The following CMSS1 variants were observed in gnomAD, a reference collection of about 807,000 sequenced individuals.
CMSS1 encodes protein CMSS1.
Under a neutral mutation model 43.5 loss-of-function variants are expected in CMSS1, and 33 were observed. The ratio of observed to expected loss-of-function variants is 0.76; its 90% CI spans 0.57 to 1.01. CMSS1 has a LOEUF of 1.01. Among genes scored for constraint, CMSS1 ranks in the 50% least tolerant of loss-of-function variants. The probability of loss-of-function intolerance (pLI) is 0.00; values close to 1 mark genes in which losing one functional copy is unlikely to be tolerated. For missense variants in CMSS1, 313 were observed against 326.4 expected (o/e 0.96, Z 0.32); for synonymous variants, 115 against 117.2 (o/e 0.98, Z 0.12).
In CMSS1 at chr3:99,853,212, CA is replaced by C. The variant is rs1337438493; in HGVS notation, c.64+35172del. Among the ~76,000 whole-genome samples the C allele has an allele frequency of 3.9e-5, 6 of 152,308 alleles. No homozygotes were observed. In the South Asian group the frequency reaches 8.3e-4, roughly 21 times the overall value. On this transcript the variant is annotated intron_variant, in intron 1 of 9. Coordinates refer to ENST00000421999, the MANE Select transcript of CMSS1 (RefSeq NM_032359.4). The stretch of plus-strand genomic sequence containing the variant: ...GTGAAATAGTTAAAAAAAACTTTGG[CA>C]AAGTGCTTCTTTCTCCTGCCTTAGC...
chr3:99,893,484 A>G (rs963738067), intron 1 of CMSS1, among the ~76,000 whole-genome samples: 2 of 152,092 alleles, frequency 1.3e-5, no homozygotes, highest in Admixed American at 6.5e-5. Context: ...ACATTTTTTA[A>G]TAGGCATTTA....
At chr3:100,110,475 C>T (rs1169457605) in intron 1 of CMSS1, among the ~76,000 whole-genome samples, 1 of 152,072 alleles carries the variant, frequency 6.6e-6, no homozygotes, top group Non-Finnish European at 1.5e-5. Flanking sequence ...CATGAAGATA[C>T]CTGTCATCCA....
At chr3:100,117,848 T>TAAAC (rs1410455445) in intron 1 of CMSS1, among the ~76,000 whole-genome samples, 2 of 91,508 alleles carry the variant, frequency 2.2e-5, no homozygotes, top group Non-Finnish European at 4.3e-5. Flanking sequence ...TATATATATA[T>TAAAC]ATATACATAT....
At chr3:99,850,841 C>G (rs1178534411) in intron 1 of CMSS1, 1 of 1,614,064 alleles carries the variant, frequency 6.2e-7, no homozygotes, top group Non-Finnish European at 8.5e-7. Flanking sequence ...TGAACTCTGG[C>G]TTCAGCAAGG....
At chr3:99,998,726 G>A (rs1433114067) in intron 1 of CMSS1, among the ~76,000 whole-genome samples, 1 of 152,058 alleles carries the variant, frequency 6.6e-6, no homozygotes, top group Non-Finnish European at 1.5e-5. Context: ...CCATGCCCCA[G>A]CCAATTTTTT....
intron 1 of CMSS1, among the ~76,000 whole-genome samples, chr3:100,020,047 A>C (rs958605837): frequency 2.6e-5 from 4 of 152,178 alleles, no homozygotes; most frequent in Admixed American, 2.0e-4. Flanking sequence ...GTAGCCATAC[A>C]AGCTTTCTTG....
rs1033638492 is a variant in CMSS1, at chr3:99,916,505, C to A, written c.64+98462C>A. ...ACACACGTTCTGTTTCTCTGGAGGA[C>A]CCTGACAAATACAGTGCTAATGGTC... On this transcript the variant is annotated intron_variant, in intron 1 of 9. Transcript: ENST00000421999. 8.6e-5 allele frequency among the ~76,000 whole-genome samples: 13 copies of A among 151,310 alleles called. No homozygotes were observed. The East Asian group carries it at 2.5e-3, about 29-fold the overall frequency.
chr3:100,138,055 G>T (rs1156379638), intron 1 of CMSS1, among the ~76,000 whole-genome samples: 1 of 152,174 alleles, frequency 6.6e-6, no homozygotes, highest in African/African-American at 2.4e-5. Context: ...ACAACCATCT[G>T]ATCTTCGACA....
intron 1 of CMSS1, among the ~76,000 whole-genome samples, chr3:100,123,847 G>T (rs1453746204): frequency 6.6e-6 from 1 of 152,174 alleles, no homozygotes; most frequent in Non-Finnish European, 1.5e-5. Context: ...TTTGCAGGTT[G>T]GTTAAATTCA....
At chr3:99,885,925 C>T (rs1485518051) in intron 1 of CMSS1, among the ~76,000 whole-genome samples, 3 of 152,158 alleles carry the variant, frequency 2.0e-5, no homozygotes, top group Admixed American at 6.5e-5. Flanking sequence ...ATCTTTTCAG[C>T]GAGTCATGGT....
chr3:100,041,587 C>A (rs559775163), intron 1 of CMSS1, among the ~76,000 whole-genome samples: 3 of 151,102 alleles, frequency 2.0e-5, no homozygotes, highest in African/African-American at 4.9e-5. Context: ...ACTAAGGCTA[C>A]AAAAAAAATA....
In CMSS1 at chr3:100,135,438, A is replaced by ATGTGTGTGTGTG. The variant is rs71132511; in HGVS notation, c.65-11493_65-11482dup. Among the ~76,000 whole-genome samples, 51 of 120,834 alleles carry ATGTGTGTGTGTG rather than the reference A, an allele frequency of 4.2e-4. 1 individual carries two copies. Among genetic ancestry groups the ATGTGTGTGTGTG allele is most frequent in the African/African-American group, 1.0e-3 (32 of 30,808 alleles). 79.3% of individuals were successfully genotyped at this position (120,834 alleles called of 152,430 possible). ...CTGAGGAGCCTTTGTGTGTGTGTGC[A>ATGTGTGTGTGTG]TGTGTGTGTGTGTGTGTGTGTGTGT... On this transcript the variant is annotated intron_variant, in intron 1 of 9. Transcript: ENST00000421999.
chr3:99,984,805 T>G (rs990564093), intron 1 of CMSS1, among the ~76,000 whole-genome samples: 4 of 152,158 alleles, frequency 2.6e-5, no homozygotes, highest in Non-Finnish European at 5.9e-5. Context: ...AAATCAAGGA[T>G]CATATTCAGC....
chr3:99,931,004 C>T, intron 1 of CMSS1: 1 of 1,613,766 alleles, frequency 6.2e-7, no homozygotes, highest in Non-Finnish European at 8.5e-7. Flanking sequence ...CTCGGTATCA[C>T]TGCCTCTGGA....
chr3:99,820,532 A>G (rs1440336945), intron 1 of CMSS1, among the ~76,000 whole-genome samples: 4 of 152,222 alleles, frequency 2.6e-5, no homozygotes, highest in African/African-American at 9.6e-5. Flanking sequence ...CATTAAATTT[A>G]TCAGAGGCCT....
intron 1 of CMSS1, among the ~76,000 whole-genome samples, chr3:100,131,684 T>C (rs537053277): frequency 2.2e-4 from 33 of 152,254 alleles, no homozygotes; most frequent in African/African-American, 6.7e-4. Flanking sequence ...TTTAGGAAAA[T>C]AAAAAAGAAG....
chr3:100,157,743 C>T (rs763826569), intron 2 of CMSS1, among the ~76,000 whole-genome samples: 3 of 152,140 alleles, frequency 2.0e-5, no homozygotes, highest in South Asian at 4.1e-4. Flanking sequence ...GATCTCCAGT[C>T]GGCTGGCAGG....
intron 1 of CMSS1, among the ~76,000 whole-genome samples, chr3:100,014,895 C>CT (rs1233573719): frequency 0.039 from 984 of 25,014 alleles, 62 homozygotes; most frequent in South Asian, 0.057. Flanking sequence ...TTCTTTCTTT[C>CT]TTTTTTTTTT....
chr3:100,137,508 A>G (rs1478153852), intron 1 of CMSS1, among the ~76,000 whole-genome samples: 2 of 152,188 alleles, frequency 1.3e-5, no homozygotes, highest in Admixed American at 6.5e-5. Context: ...AGATGTTAAT[A>G]TACATACACC....
Sources: gnomAD v4.1 joint callset for allele counts (sites outside exome capture counted in the v4.1 genomes callset) on GRCh38, gnomAD v4.1.1 for gene constraint, MANE v1.5 for transcripts, NCBI Gene and HGNC (gene_info 2026-07-23, HGNC 2026-07-21) for gene names.